Variants in TRIO observed in about 807,000 individuals in gnomAD.
TRIO encodes trio Rho guanine nucleotide exchange factor, also known as triple functional domain protein.
A neutral mutation model predicts 351.9 loss-of-function variants in TRIO; 58 were observed. That is an observed-to-expected ratio of 0.16 (90% CI 0.13 to 0.21). The LOEUF (loss-of-function observed/expected upper bound fraction) is 0.21, where lower values mean the gene tolerates loss of function less well. Among genes scored for constraint, TRIO ranks in the 10% least tolerant of loss-of-function variants. The probability of loss-of-function intolerance (pLI) is 1.00; values close to 1 mark genes in which losing one functional copy is unlikely to be tolerated. For missense variants in TRIO, 3,201 were observed against 4,027.8 expected (o/e 0.79, Z 5.56); for synonymous variants, 1,758 against 1,595.7 (o/e 1.10, Z -2.42).
intron 11 of TRIO, among the ~76,000 whole-genome samples, chr5:14,342,340 A>G (rs1395947940): frequency 3.3e-5 from 5 of 152,210 alleles, no homozygotes; most frequent in African/African-American, 9.6e-5. Context: ...TTTCCCTTGC[A>G]GAGCTGGAGA....
intron 9 of TRIO, among the ~76,000 whole-genome samples, chr5:14,325,690 A>T (rs1395577955): frequency 2.0e-5 from 3 of 152,194 alleles, no homozygotes; most frequent in Non-Finnish European, 4.4e-5. Flanking sequence ...TTTTAAACAA[A>T]TTTTTAAATA....
At chr5:14,421,956 C>T (rs1239853151) in intron 34 of TRIO, among the ~76,000 whole-genome samples, 1 of 152,218 alleles carries the variant, frequency 6.6e-6, no homozygotes, top group Non-Finnish European at 1.5e-5. Flanking sequence ...ACAGTCCTCC[C>T]CCTTCTCCTG....
At chr5:14,319,082 G>A (rs1015534052) in intron 9 of TRIO, among the ~76,000 whole-genome samples, 5 of 152,202 alleles carry the variant, frequency 3.3e-5, no homozygotes, top group African/African-American at 4.8e-5. Context: ...CAGCAAACAT[G>A]TAGAAAGGTA....
At position 14,485,146 on chromosome 5, in the gene TRIO, G is replaced by A; in HGVS notation, c.6735G>A (p.Val2245=). The part of the protein sequence containing the change: ...KFALTSRTGD[V]VETFILHSSS... ...CTCTGACATCGAGGACGGGTGACGT[G>A]GTAGAGACCTTCATTTTGCATTCAT... The change falls in exon 47 of 57, where the codon GTG becomes GTA. Residue 2245 remains valine (V), a synonymous_variant. Transcript: ENST00000344204. 6.3e-7 allele frequency: 1 copy of A among 1,593,128 alleles called. No individual in the cohort carries two copies. The highest frequency in any genetic ancestry group is 1.1e-5 in the South Asian group (1 of 89,812).
chr5:14,253,926 A>G (rs1302308310), intron 1 of TRIO, among the ~76,000 whole-genome samples: 3 of 152,178 alleles, frequency 2.0e-5, no homozygotes, highest in Non-Finnish European at 4.4e-5. Context: ...TAAACCACAC[A>G]TTAAAGGAAG....
At chr5:14,441,750 GT>G (rs1352454835) in intron 34 of TRIO, among the ~76,000 whole-genome samples, 1 of 152,140 alleles carries the variant, frequency 6.6e-6, no homozygotes, top group African/African-American at 2.4e-5. Context: ...TTGTTTGGAG[GT>G]TTTCAGACTA....
intron 27 of TRIO, 63 bp from the exon 28 acceptor site, chr5:14,393,975 A>C: frequency 9.2e-7 from 1 of 1,086,904 alleles, no homozygotes; most frequent in Non-Finnish European, 1.4e-6. Context: ...AATGTGTTTT[A>C]TGGCCATGAT....
intron 1 of TRIO, among the ~76,000 whole-genome samples, chr5:14,264,245 A>G (rs571762371): frequency 6.6e-6 from 1 of 152,218 alleles, no homozygotes; most frequent in Admixed American, 6.5e-5. Context: ...AAAAAATAGA[A>G]CTATTTTAAG....
rs71599626 is a variant in TRIO, at chr5:14,493,098, GTTGT to G, written c.7880+307_7880+310del. Reference sequence around the variant, plus strand: ...TGTGTTAGTCATAACTCAAGAAAGTGTTGTTTGTTTGTTTGTTTGTTTGTTTAAG... The same window carrying G: ...TGTGTTAGTCATAACTCAAGAAAGTGTTGTTTGTTTGTTTGTTTGTTTAAG... On this transcript the variant is annotated intron_variant, in intron 49 of 56. Transcript: ENST00000344204. Among the ~76,000 whole-genome samples the G allele has an allele frequency of 2.8e-3, 429 of 152,280 alleles. 1 individual carries two copies. The highest frequency in any genetic ancestry group is 3.4e-3 in the Middle Eastern group (1 of 294).
chr5:14,175,403 A>G (rs1789347088), intron 1 of TRIO, among the ~76,000 whole-genome samples: 1 of 151,912 alleles, frequency 6.6e-6, no homozygotes, highest in East Asian at 1.9e-4. Context: ...AACAATTCCT[A>G]CTTCCTTTAA....
chr5:14,500,912 A>AC (rs1554092172), intron 53 of TRIO, among the ~76,000 whole-genome samples: 9 of 140,964 alleles, frequency 6.4e-5, no homozygotes, highest in Non-Finnish European at 1.2e-4. Flanking sequence ...AAAAAAAAAA[A>AC]ACACACAGGG....
intron 9 of TRIO, among the ~76,000 whole-genome samples, chr5:14,317,304 A>AT (rs1299139772): frequency 2.0e-5 from 3 of 152,238 alleles, no homozygotes; most frequent in Non-Finnish European, 4.4e-5. Flanking sequence ...TTATTATAGA[A>AT]TAAGAGTTTT....
chr5:14,502,589 G>A lies in TRIO; in HGVS notation c.8343G>A (p.Met2781Ile). ...SASLRVLGPG[M>I]DGIMVTWKDN... The stretch of plus-strand genomic sequence containing the variant: ...CTGTTCTTCTTGCAGGTCCAGGGAT[G>A]GATGGGATCATGGTGACCTGGAAAG... The change falls in exon 54 of 57, where the codon ATG becomes ATA. Residue 2781 changes from methionine to isoleucine, a missense_variant. Transcript: ENST00000344204. 1 of 1,614,208 alleles carries A rather than the reference G, an allele frequency of 6.2e-7. No individual in the cohort carries two copies. Among genetic ancestry groups the A allele is most frequent in the Non-Finnish European group, 8.5e-7 (1 of 1,180,032 alleles).
chr5:14,318,031 G>A (rs1739528704), intron 9 of TRIO, among the ~76,000 whole-genome samples: 1 of 152,120 alleles, frequency 6.6e-6, no homozygotes, highest in South Asian at 2.1e-4. Context: ...GAAGGCTGAG[G>A]CAGGAGAATT....
chr5:14,280,495 T>C (rs1735902392), intron 3 of TRIO, 59 bp downstream of exon 3: 1 of 1,437,334 alleles, frequency 7.0e-7, no homozygotes, highest in South Asian at 1.2e-5. Context: ...GATGTGGCGC[T>C]ATACTCGTTA....
At chr5:14,446,041 C>T (rs905507929) in intron 34 of TRIO, among the ~76,000 whole-genome samples, 1 of 152,202 alleles carries the variant, frequency 6.6e-6, no homozygotes, top group Non-Finnish European at 1.5e-5. Context: ...GGACAAGATC[C>T]GTGCTGTTAA....
At chr5:14,261,224 G>A (rs927031796) in intron 1 of TRIO, among the ~76,000 whole-genome samples, 2 of 152,218 alleles carry the variant, frequency 1.3e-5, no homozygotes, top group Non-Finnish European at 1.5e-5. Context: ...TGTCTGGAAC[G>A]CTTTGGCTTG....
intron 34 of TRIO, among the ~76,000 whole-genome samples, chr5:14,423,286 C>G (rs1750335532): frequency 6.6e-6 from 1 of 152,208 alleles, no homozygotes; most frequent in Non-Finnish European, 1.5e-5. Context: ...GCATTCTGGG[C>G]TGAGGCCCAC....
chr5:14,166,070 C>G (rs778721549), intron 1 of TRIO, among the ~76,000 whole-genome samples: 23 of 152,210 alleles, frequency 1.5e-4, no homozygotes, highest in Non-Finnish European at 2.5e-4. Context: ...TGGCCATTGC[C>G]CATTGCTAAA....
Sources: allele counts gnomAD v4.1 joint callset (sites outside exome capture counted in the v4.1 genomes callset), GRCh38; gene constraint gnomAD v4.1.1; transcripts MANE v1.5; gene names NCBI Gene and HGNC (gene_info 2026-07-23, HGNC 2026-07-21).